EML1: variants seen among roughly 807,000 people sequenced by gnomAD.
The protein encoded by EML1 is EMAP like 1, also known as echinoderm microtubule-associated protein-like 1.
In EML1, 27 loss-of-function variants were observed where a neutral mutation model predicts 110.4. The observed-to-expected ratio is 0.24, with a 90% CI of 0.18 to 0.34. The LOEUF (loss-of-function observed/expected upper bound fraction) is 0.34. Among genes scored for constraint, EML1 ranks in the 10% least tolerant of loss-of-function variants. The pLI, the probability that EML1 is intolerant of heterozygous loss-of-function variation, is 1.00. For missense variants in EML1, 741 were observed against 1,030.9 expected, an observed-to-expected ratio of 0.72 and a Z score of 3.85; for synonymous variants, 344 against 385.8, an observed-to-expected ratio of 0.89 and a Z score of 1.27.
chr14:99,816,385 TCTC>T (rs1418921455), intron 1 of EML1, among the ~76,000 whole-genome samples: 1 of 152,230 alleles, frequency 6.6e-6, no homozygotes, highest in Non-Finnish European at 1.5e-5. Flanking sequence ...CTGGTCTTGA[TCTC>T]CTAACCTCAG....
Position 99,905,582 on chromosome 14 carries a change from C to T in EML1, c.1009-2056C>T, listed in dbSNP as rs1488354874. Among the ~76,000 whole-genome samples, 1 of 152,170 alleles carries T rather than the reference C, an allele frequency of 6.6e-6. No individual in the cohort carries two copies. Among genetic ancestry groups the T allele is most frequent in the Non-Finnish European group, 1.5e-5 (1 of 68,028 alleles). On this transcript the variant is annotated intron_variant, in intron 9 of 21. Transcript: ENST00000262233. This position sits in a 1 kb window ranked among gnomAD's most constrained non-coding sequence, Gnocchi z 4.1. ...CAGTCCCGTCAGCTCTTAAATTTCC[C>T]CTTTTGGGGAGGAAAAAGTTCCCCA... is the stretch of plus-strand genomic sequence containing the variant.
chr14:99,932,646 T>A (rs1382102950), intron 17 of EML1, among the ~76,000 whole-genome samples: 6 of 134,356 alleles, frequency 4.5e-5, no homozygotes, highest in Non-Finnish European at 4.7e-5. Flanking sequence ...GACTCCATCT[T>A]AAAAAAAAAA....
intron 1 of EML1, among the ~76,000 whole-genome samples, chr14:99,759,235 C>G (rs1161395660): frequency 6.6e-6 from 1 of 152,224 alleles, no homozygotes; most frequent in Non-Finnish European, 1.5e-5. Context: ...GGGGTGAGCA[C>G]AGCAGTCAGC....
intron 1 of EML1, among the ~76,000 whole-genome samples, chr14:99,764,946 G>T (rs930893466): frequency 1.3e-5 from 2 of 151,954 alleles, no homozygotes; most frequent in Admixed American, 1.3e-4. Context: ...TGTTGTTGTT[G>T]TCGTTTTTAG....
At chr14:99,780,622 G>A (rs911553980) in intron 1 of EML1, among the ~76,000 whole-genome samples, 2 of 152,178 alleles carry the variant, frequency 1.3e-5, no homozygotes, top group Admixed American at 6.5e-5. Flanking sequence ...GCCATCATAA[G>A]CATCACGTGC....
At chr14:99,818,443 A>G (rs919187150) in intron 1 of EML1, among the ~76,000 whole-genome samples, 3 of 152,208 alleles carry the variant, frequency 2.0e-5, no homozygotes, top group Non-Finnish European at 4.4e-5. Context: ...GATTGATTCA[A>G]TGTAGAGGGC....
intron 1 of EML1, among the ~76,000 whole-genome samples, chr14:99,766,346 C>G (rs190012074): frequency 6.8e-6 from 1 of 147,272 alleles, no homozygotes; most frequent in African/African-American, 2.5e-5. Flanking sequence ...AGGTGCCCAC[C>G]ACCATGCCAG....
At chr14:99,895,937 A>G (rs1282906253) in intron 6 of EML1, among the ~76,000 whole-genome samples, 3 of 152,136 alleles carry the variant, frequency 2.0e-5, no homozygotes, top group African/African-American at 7.2e-5. Flanking sequence ...TCTAGGCCAC[A>G]AAAATCTGAA....
intron 16 of EML1, 25 bp from the exon 17 acceptor site, chr14:99,920,764 G>A (rs151142461): frequency 2.5e-6 from 4 of 1,584,838 alleles, no homozygotes; most frequent in Non-Finnish European, 3.4e-6. Context: ...ACAACTTACT[G>A]TGCTTTTTCT....
chr14:99,908,239 A>T (rs1049420935), intron 10 of EML1, among the ~76,000 whole-genome samples: 1 of 152,168 alleles, frequency 6.6e-6, no homozygotes, highest in East Asian at 1.9e-4. Context: ...ATCCTTCCCA[A>T]CAGGATTCCT....
intron 1 of EML1, among the ~76,000 whole-genome samples, chr14:99,758,632 T>G (rs540425405): frequency 1.7e-4 from 26 of 152,288 alleles, no homozygotes; most frequent in Non-Finnish European, 3.5e-4. Flanking sequence ...CACGCCCTCA[T>G]GCAGTGATTC....
At chr14:99,779,475 T>C (rs2057516927) in intron 1 of EML1, among the ~76,000 whole-genome samples, 1 of 152,220 alleles carries the variant, frequency 6.6e-6, no homozygotes, top group Admixed American at 6.5e-5. Context: ...TTGTTACTTT[T>C]ATATGTTCTC....
intron 1 of EML1, among the ~76,000 whole-genome samples, chr14:99,816,285 T>C (rs2058166080): frequency 6.6e-6 from 1 of 152,246 alleles, no homozygotes; most frequent in African/African-American, 2.4e-5. Flanking sequence ...TGGCTCAGCC[T>C]CCTGAGTAGC....
intron 1 of EML1, among the ~76,000 whole-genome samples, chr14:99,801,614 CAAA>C (rs59910012): frequency 7.7e-6 from 1 of 130,684 alleles, no homozygotes. Flanking sequence ...GACTCCGTCT[CAAA>C]AAAAAAAAAA....
chr14:99,828,971 G>A (rs1228656077), intron 1 of EML1, among the ~76,000 whole-genome samples: 3 of 152,028 alleles, frequency 2.0e-5, no homozygotes, highest in African/African-American at 7.2e-5. Flanking sequence ...GGAGTGACAA[G>A]CAGAAAAAAA....
At chr14:99,778,503 G>A (rs1390854828) in intron 1 of EML1, among the ~76,000 whole-genome samples, 1 of 152,060 alleles carries the variant, frequency 6.6e-6, no homozygotes, top group Non-Finnish European at 1.5e-5. Flanking sequence ...TGGACTGGTT[G>A]CCTGTTAGCA....
chr14:99,921,331 A>ATTTGGG (rs1489918301), intron 17 of EML1, among the ~76,000 whole-genome samples: 1 of 152,114 alleles, frequency 6.6e-6, no homozygotes, highest in East Asian at 1.9e-4. Flanking sequence ...ATTGATGGGC[A>ATTTGGG]TTTGGGTTGA....
rs116989188 is a variant in EML1, at chr14:99,841,440, A to G, written c.68-9413A>G. Among the ~76,000 whole-genome samples the G allele has an allele frequency of 2.7e-3, 406 of 152,318 alleles. 7 individuals carry two copies. Among genetic ancestry groups the G allele is most frequent in the Admixed American group, 0.019 (293 of 15,298 alleles). On this transcript the variant is annotated intron_variant, in intron 1 of 21. Transcript: ENST00000262233. Reference sequence around the variant, plus strand: ...TAACATTCATCTTCACAGGAACGTCAGAAGGCAGGTGGTATTAGGTCACAT... The same window carrying G: ...TAACATTCATCTTCACAGGAACGTCGGAAGGCAGGTGGTATTAGGTCACAT...
At chr14:99,825,989 T>C (rs2058344944) in intron 1 of EML1, among the ~76,000 whole-genome samples, 1 of 152,152 alleles carries the variant, frequency 6.6e-6, no homozygotes, top group African/African-American at 2.4e-5. Flanking sequence ...CAAGAAAACT[T>C]TGGTGGGCCG....
Sources: gnomAD v4.1 joint callset for allele counts (sites outside exome capture counted in the v4.1 genomes callset) on GRCh38, gnomAD v4.1.1 for gene constraint, Gnocchi (gnomAD v3.1) non-coding constraint, MANE v1.5 for transcripts, NCBI Gene and HGNC (gene_info 2026-07-23, HGNC 2026-07-21) for gene names.